Variants in N4BP2 observed in about 807,000 individuals in gnomAD.
The protein encoded by N4BP2 is NEDD4-binding protein 2.
In N4BP2, 91 loss-of-function variants were observed where a neutral mutation model predicts 152.8. The observed-to-expected ratio is 0.60, with a 90% CI of 0.50 to 0.71. N4BP2 has a LOEUF of 0.71. Ranked by LOEUF, N4BP2 falls within the 30% of genes least tolerant of loss-of-function variation. The pLI, the probability that N4BP2 is intolerant of heterozygous loss-of-function variation, is 0.00. For synonymous variants in N4BP2, 646 were observed against 705.3 expected (o/e 0.92, Z 1.33); for missense variants, 1,923 against 2,059.1 (o/e 0.93, Z 1.28).
chr4:40,077,602 G>A (rs1462397394), intron 2 of N4BP2, among the ~76,000 whole-genome samples: 3 of 151,646 alleles, frequency 2.0e-5, no homozygotes, highest in African/African-American at 4.9e-5. Flanking sequence ...TACAGGCACC[G>A]GCCACCACAC....
the N4BP2 span, among the ~76,000 whole-genome samples, chr4:40,185,711 T>C: frequency 6.6e-6 from 1 of 152,202 alleles, no homozygotes. Flanking sequence ...AAATTTTATA[T>C]GTAATTTAAA....
chr4:40,174,933 C>T, the N4BP2 span, among the ~76,000 whole-genome samples: 2 of 151,192 alleles, frequency 1.3e-5, no homozygotes, highest in African/African-American at 4.9e-5. Context: ...TTTGCTGCCA[C>T]GTGGGAACCT....
chr4:40,093,891 C>T (rs1014111019), intron 2 of N4BP2, among the ~76,000 whole-genome samples: 12 of 152,184 alleles, frequency 7.9e-5, no homozygotes, highest in African/African-American at 2.2e-4. Context: ...TGAGCCACCG[C>T]GCCCAGCTAA....
intron 1 of N4BP2, among the ~76,000 whole-genome samples, chr4:40,072,130 G>A (rs1359652894): frequency 6.8e-6 from 1 of 146,604 alleles, no homozygotes; most frequent in Non-Finnish European, 1.5e-5. Flanking sequence ...GCTGGAGTGC[G>A]GTGGCACAAT....
At chr4:40,149,448 A>G (rs532482883) in intron 16 of N4BP2, among the ~76,000 whole-genome samples, 3 of 152,340 alleles carry the variant, frequency 2.0e-5, no homozygotes, top group East Asian at 3.9e-4. Context: ...AGTGACTGCT[A>G]TGAGGCACAG....
At chr4:40,125,544 G>T (rs1302098759) in intron 11 of N4BP2, among the ~76,000 whole-genome samples, 1 of 152,120 alleles carries the variant, frequency 6.6e-6, no homozygotes, top group Non-Finnish European at 1.5e-5. Context: ...TATGTTTTGG[G>T]TTGATATGAT....
downstream of N4BP2, among the ~76,000 whole-genome samples, chr4:40,161,838 G>C (rs1449887927): frequency 1.3e-5 from 2 of 152,160 alleles, no homozygotes; most frequent in Non-Finnish European, 2.9e-5. Flanking sequence ...GTGGATTCTA[G>C]ACCTGGCTCT....
At chr4:40,070,258 T>C (rs1277655204) in intron 1 of N4BP2, among the ~76,000 whole-genome samples, 3 of 152,160 alleles carry the variant, frequency 2.0e-5, no homozygotes, top group African/African-American at 7.2e-5. Flanking sequence ...ATCATATGAT[T>C]GTATTATAAA....
chr4:40,166,377 A>G, the N4BP2 span, among the ~76,000 whole-genome samples: 3 of 152,076 alleles, frequency 2.0e-5, no homozygotes, highest in Non-Finnish European at 4.4e-5. Flanking sequence ...ATATATTACT[A>G]TTAGAAAGTC....
chr4:40,119,844 G>A lies in N4BP2; in HGVS notation c.1821-88G>A, dbSNP rs973920010. ...AAAATTTTCAGAATAACTGTTAAGTGCCCTGTCAATTAATGCTTCTTTAAA... is the reference window on the plus strand; with the variant it reads ...AAAATTTTCAGAATAACTGTTAAGTACCCTGTCAATTAATGCTTCTTTAAA... On this transcript the variant is annotated intron_variant, in intron 8 of 17. Coordinates refer to ENST00000261435, the MANE Select transcript of N4BP2 (RefSeq NM_018177.6). 4 of 614,608 alleles carry A rather than the reference G, an allele frequency of 6.5e-6. No homozygotes were observed. In the African/African-American group the frequency reaches 7.3e-5, roughly 11 times the overall value. The allele number at this position is 614,608 out of a possible 1,614,324, so 38.1% of individuals were successfully genotyped here.
At chr4:40,080,824 A>ATTT (rs34784076) in intron 2 of N4BP2, among the ~76,000 whole-genome samples, 10 of 135,642 alleles carry the variant, frequency 7.4e-5, no homozygotes, top group Non-Finnish European at 9.3e-5. Flanking sequence ...CGCCTGGCTA[A>ATTT]TTTTTTTTTT....
intron 1 of N4BP2, among the ~76,000 whole-genome samples, chr4:40,068,419 G>A (rs551770506): frequency 1.3e-5 from 2 of 152,154 alleles, no homozygotes; most frequent in East Asian, 1.9e-4. Context: ...CTTTCTCCCC[G>A]TTTTCTTCTA....
At chr4:40,066,770 T>C (rs899073361) in intron 1 of N4BP2, among the ~76,000 whole-genome samples, 1 of 152,200 alleles carries the variant, frequency 6.6e-6, no homozygotes, top group African/African-American at 2.4e-5. Context: ...TAACCACTTT[T>C]AAGAGTACAG....
chr4:40,073,127 C>T (rs770478620), intron 1 of N4BP2, among the ~76,000 whole-genome samples: 1 of 152,126 alleles, frequency 6.6e-6, no homozygotes, highest in Non-Finnish European at 1.5e-5. Context: ...GTTTTGGGTT[C>T]TGTTGTTCCT....
rs117853869 is a variant in N4BP2, at chr4:40,086,940, G to A, written c.-114-10287G>A. Among the ~76,000 whole-genome samples the A allele has an allele frequency of 7.2e-5, 11 of 151,896 alleles. No individual in the cohort carries two copies. In the East Asian group the frequency reaches 2.1e-3, roughly 30 times the overall value. ...TTAAAAGATTTTTTGTAGAGATGGG[G>A]GTCTCACTATGGTGCCCAGGCTGGT... On this transcript the variant is annotated intron_variant, in intron 2 of 17. Coordinates refer to ENST00000261435, the MANE Select transcript of N4BP2 (RefSeq NM_018177.6).
chr4:40,188,910 C>T, the N4BP2 span, among the ~76,000 whole-genome samples: 2 of 151,876 alleles, frequency 1.3e-5, no homozygotes, highest in South Asian at 2.1e-4. Flanking sequence ...TTTGGGAGGC[C>T]GAGGCGGGTG....
At chr4:40,138,059 G>T (rs1719568720) in intron 14 of N4BP2, among the ~76,000 whole-genome samples, 1 of 152,206 alleles carries the variant, frequency 6.6e-6, no homozygotes, top group Admixed American at 6.5e-5. Context: ...TGAGGGGGCA[G>T]GAGGAGCAGC....
chr4:40,181,234 C>T, the N4BP2 span, among the ~76,000 whole-genome samples: 7 of 152,150 alleles, frequency 4.6e-5, no homozygotes, highest in Admixed American at 4.6e-4. Context: ...TCTAGCCTGT[C>T]ACCATATTGC....
At position 40,103,119 on chromosome 4, in the gene N4BP2, C is replaced by A. The variant is rs62621880; in HGVS notation, c.1274C>A (p.Thr425Asn). 1.3e-3 allele frequency: 2,133 copies of A among 1,614,138 alleles called. 12 individuals are homozygous for A. The highest frequency in any genetic ancestry group is 0.011 in the Middle Eastern group (68 of 6,062). Residue 425 changes from threonine to asparagine, a missense_variant, in exon 4 of 18, where the codon ACC becomes AAC. Physicochemically the swap from Thr to Asn is moderately conservative, Grantham distance 65. Coordinates refer to ENST00000261435, the MANE Select transcript of N4BP2 (RefSeq NM_018177.6). ...DGTSAYQVQE[T>N]PVSQVVRKKT... ...ACAAGTGCTTATCAAGTACAAGAAA[C>A]CCCAGTTTCTCAGGTTGTAAGAAAG...
Sources: allele counts gnomAD v4.1 joint callset (sites outside exome capture counted in the v4.1 genomes callset), GRCh38; gene constraint gnomAD v4.1.1; transcripts MANE v1.5; gene names NCBI Gene and HGNC (gene_info 2026-07-23, HGNC 2026-07-21).